The following SMCO4 variants were observed in gnomAD, a reference collection of about 807,000 sequenced individuals.
SMCO4 encodes the protein single-pass membrane and coiled-coil domain-containing protein 4.
Under a neutral mutation model 3.6 loss-of-function variants are expected in SMCO4, and 4 were observed. The ratio of observed to expected loss-of-function variants is 1.11; its 90% CI spans 0.54 to 2.53. The LOEUF is 2.53. Ranked by LOEUF, SMCO4 falls within the 30% of genes most tolerant of loss-of-function variation. SMCO4 has a pLI of 0.02. For synonymous variants in SMCO4, 36 were observed against 35.3 expected (o/e 1.02, Z -0.07); for missense variants, 70 against 80.8 (o/e 0.87, Z 0.51).
chr11:93,529,425 T>C lies in SMCO4; in HGVS notation c.-154+13851A>G, dbSNP rs572694432. On this transcript the variant is annotated intron_variant, in intron 1 of 2. Transcript: ENST00000298966. ...TTCTATTTTCATCTCCACTTACACATAATTATCTTCTAAAGCGATGCTCCC... is the reference window on the plus strand; with the variant it reads ...TTCTATTTTCATCTCCACTTACACACAATTATCTTCTAAAGCGATGCTCCC... Among the ~76,000 whole-genome samples, 3 of 152,200 alleles carry C rather than the reference T, an allele frequency of 2.0e-5. No homozygotes were observed. The South Asian group carries it at 6.2e-4, about 32-fold the overall frequency.
chr11:93,540,291 C>A (rs1404673893), intron 1 of SMCO4, among the ~76,000 whole-genome samples: 1 of 152,162 alleles, frequency 6.6e-6, no homozygotes. Context: ...GCACCCACTG[C>A]AATTAGTGGG....
intron 1 of SMCO4, among the ~76,000 whole-genome samples, chr11:93,520,525 GCT>G (rs955355741): frequency 6.6e-6 from 1 of 152,190 alleles, no homozygotes; most frequent in African/African-American, 2.4e-5. Flanking sequence ...AAAAGTTTCT[GCT>G]CTTGACCATT....
At chr11:93,489,793 A>C (rs1591305474) in intron 2 of SMCO4, among the ~76,000 whole-genome samples, 2 of 134,156 alleles carry the variant, frequency 1.5e-5, no homozygotes, top group African/African-American at 5.5e-5. Flanking sequence ...GTCCCCCCAC[A>C]CCTCTCCCCC....
intron 2 of SMCO4, among the ~76,000 whole-genome samples, chr11:93,486,196 C>T (rs553495579): frequency 6.6e-6 from 1 of 152,158 alleles, no homozygotes; most frequent in Non-Finnish European, 1.5e-5. Context: ...ATTTTGCAGA[C>T]AAGGGAACTG....
At chr11:93,491,892 C>T (rs918138699) in intron 2 of SMCO4, among the ~76,000 whole-genome samples, 1 of 152,218 alleles carries the variant, frequency 6.6e-6, no homozygotes, top group African/African-American at 2.4e-5. Context: ...ACACGTAACA[C>T]AGCCCTCATG....
At chr11:93,526,099 A>G (rs769535390) in intron 1 of SMCO4, among the ~76,000 whole-genome samples, 9 of 152,166 alleles carry the variant, frequency 5.9e-5, no homozygotes, top group Non-Finnish European at 8.8e-5. Context: ...GTTTGAGTAT[A>G]CATATCTTCC....
chr11:93,542,149 T>C (rs1043714989), intron 1 of SMCO4, among the ~76,000 whole-genome samples: 2 of 150,284 alleles, frequency 1.3e-5, no homozygotes, highest in Admixed American at 1.3e-4. Flanking sequence ...ATCTGCATTG[T>C]CAACGGGCTC....
rs369643237 is a variant in SMCO4 at position 93,534,375 on chromosome 11, T to TATATATATATAG, written c.-154+8900_-154+8901insCTATATATATAT. ...ACACATACATATATATATATATATA[T>TATATATATATAG]AGAGAGAGAGAGAGAGAGAGATACA... On this transcript the variant is annotated intron_variant, in intron 1 of 2. Transcript: ENST00000298966. Among the ~76,000 whole-genome samples, 3 of 142,130 alleles carry TATATATATATAG rather than the reference T, an allele frequency of 2.1e-5. No individual in the cohort carries two copies. The East Asian group carries it at 6.2e-4, about 29-fold the overall frequency. The allele number at this position is 142,130 out of a possible 152,430, so 93.2% of individuals were successfully genotyped here. A position where few individuals can be genotyped will look rare whatever the true frequency, so the allele number is the denominator to read the frequency against.
At chr11:93,497,634 G>T (rs150140244) in intron 2 of SMCO4, among the ~76,000 whole-genome samples, 159 of 151,972 alleles carry the variant, frequency 1.0e-3, no homozygotes, top group Non-Finnish European at 1.6e-3. Flanking sequence ...GCTTCCAAAG[G>T]GGGGTACCAA....
At chr11:93,518,189 G>T (rs1170729328) in intron 1 of SMCO4, among the ~76,000 whole-genome samples, 2 of 152,160 alleles carry the variant, frequency 1.3e-5, no homozygotes, top group Non-Finnish European at 2.9e-5. Context: ...TGTATAAATG[G>T]AATCATATAA....
chr11:93,535,380 A>T, intron 1 of SMCO4: 1 of 779,764 alleles, frequency 1.3e-6, no homozygotes, highest in Admixed American at 2.5e-5. Context: ...CTTAACATCT[A>T]CGATCTCAGC....
At chr11:93,510,328 AGAAG>A (rs1353712302) in intron 1 of SMCO4, among the ~76,000 whole-genome samples, 4 of 152,258 alleles carry the variant, frequency 2.6e-5, no homozygotes, top group Admixed American at 2.6e-4. Flanking sequence ...TGTGAACCTA[AGAAG>A]GAATTTGAAT....
intron 1 of SMCO4, among the ~76,000 whole-genome samples, chr11:93,522,549 G>A (rs2248524): frequency 0.73 from 111,263 of 152,206 alleles, 41,236 homozygotes; most frequent in Middle Eastern, 0.79. Flanking sequence ...GCAGGCATCC[G>A]TTGTATTCCA....
At chr11:93,498,456 C>T (rs1948800556) in intron 2 of SMCO4, among the ~76,000 whole-genome samples, 1 of 152,124 alleles carries the variant, frequency 6.6e-6, no homozygotes, top group Non-Finnish European at 1.5e-5. Flanking sequence ...AGACCTAAAG[C>T]CCCCCACATG....
At chr11:93,543,206 C>A in intron 1 of SMCO4, 70 bp downstream of exon 1, 1 of 126,540 alleles carries the variant, frequency 7.9e-6, no homozygotes, top group South Asian at 2.3e-4. Context: ...TGCCCGGTGC[C>A]CCGTGCCCCG....
chr11:93,481,754 A>C (rs1040210410), intron 2 of SMCO4, among the ~76,000 whole-genome samples: 5 of 152,362 alleles, frequency 3.3e-5, no homozygotes, highest in African/African-American at 1.2e-4. Flanking sequence ...TTTAAAAAGA[A>C]ACAAGCCATT....
intron 1 of SMCO4, chr11:93,535,471 G>A: frequency 7.2e-7 from 1 of 1,396,868 alleles, no homozygotes; most frequent in Non-Finnish European, 1.0e-6. Flanking sequence ...TCGCCGCGAT[G>A]GTGTTGTTGG....
chr11:93,485,055 G>A (rs1186827052), intron 2 of SMCO4, among the ~76,000 whole-genome samples: 1 of 152,212 alleles, frequency 6.6e-6, no homozygotes, highest in Non-Finnish European at 1.5e-5. Flanking sequence ...ATTATATGTT[G>A]AAATAATGTT....
chr11:93,514,408 ATATATATATATAT>A (rs1948988493), intron 1 of SMCO4, among the ~76,000 whole-genome samples: 7 of 28,846 alleles, frequency 2.4e-4, no homozygotes, highest in South Asian at 2.5e-3. Flanking sequence ...ATATATATAT[ATATATATATATAT>A]AAAATTTGGT....
Sources: allele counts gnomAD v4.1 joint callset (sites outside exome capture counted in the v4.1 genomes callset), GRCh38; gene constraint gnomAD v4.1.1; transcripts MANE v1.5; gene names NCBI Gene and HGNC (gene_info 2026-07-23, HGNC 2026-07-21).